TENM4: variants seen among roughly 807,000 people sequenced by gnomAD.
TENM4 encodes the protein teneurin transmembrane protein 4.
A neutral mutation model predicts 243.3 loss-of-function variants in TENM4; 82 were observed. That is an observed-to-expected ratio of 0.34 (90% CI 0.28 to 0.40). The LOEUF is 0.40. TENM4 is among the 10% of genes least tolerant of loss of function. The probability of loss-of-function intolerance (pLI) is 1.00; values close to 1 mark genes in which losing one functional copy is unlikely to be tolerated. For synonymous variants in TENM4, 1,412 were observed against 1,456.3 expected (o/e 0.97, Z 0.69); for missense variants, 3,138 against 3,673.3 (o/e 0.85, Z 3.77).
chr11:79,123,576 T>A (rs776180851), intron 4 of TENM4, among the ~76,000 whole-genome samples: 5 of 150,468 alleles, frequency 3.3e-5, no homozygotes, highest in Non-Finnish European at 7.4e-5. Context: ...TGGACTCTTC[T>A]CTCCAGACAA....
intron 4 of TENM4, among the ~76,000 whole-genome samples, chr11:79,083,989 A>T (rs2137035369): frequency 6.6e-6 from 1 of 152,278 alleles, no homozygotes; most frequent in Admixed American, 6.5e-5. Flanking sequence ...GTGTATACAC[A>T]TATATATATG....
chr11:79,426,681 G>A (rs1459393013), intron 1 of TENM4, among the ~76,000 whole-genome samples: 1 of 152,192 alleles, frequency 6.6e-6, no homozygotes, highest in Non-Finnish European at 1.5e-5. Context: ...AGGAGTCAAA[G>A]ATGACTCCAA....
At chr11:79,004,310 ACT>A (rs893510008) in intron 6 of TENM4, among the ~76,000 whole-genome samples, 59 of 152,124 alleles carry the variant, frequency 3.9e-4, no homozygotes, top group African/African-American at 1.4e-3. Context: ...TATCTACAGA[ACT>A]CTCCACCCCA....
chr11:79,373,049 G>T (rs192784798), intron 1 of TENM4, among the ~76,000 whole-genome samples: 2 of 147,952 alleles, frequency 1.4e-5, no homozygotes, highest in East Asian at 3.9e-4. Context: ...TTAGGGCAGA[G>T]TTTTTCTTAA....
intron 3 of TENM4, among the ~76,000 whole-genome samples, chr11:79,161,277 T>C (rs2135085615): frequency 6.6e-6 from 1 of 152,328 alleles, no homozygotes; most frequent in Non-Finnish European, 1.5e-5. Context: ...GAGGATAAAC[T>C]TCCCTTATGG....
At chr11:78,767,152 G>C (rs78928046) in intron 18 of TENM4, among the ~76,000 whole-genome samples, 15,435 of 152,198 alleles carry the variant, frequency 0.1, 2,396 homozygotes, top group African/African-American at 0.34. Flanking sequence ...ATATGTCAGA[G>C]GTCTGGACAC....
At chr11:78,807,880 G>A (rs539680358) in intron 14 of TENM4, among the ~76,000 whole-genome samples, 1 of 152,294 alleles carries the variant, frequency 6.6e-6, no homozygotes, top group African/African-American at 2.4e-5. Flanking sequence ...ACTGCTCTGT[G>A]CTTCCCATCT....
chr11:78,885,456 T>G (rs1417962573), intron 9 of TENM4, among the ~76,000 whole-genome samples: 1 of 152,224 alleles, frequency 6.6e-6, no homozygotes, highest in African/African-American at 2.4e-5. Flanking sequence ...CAAGTAGCAC[T>G]CCCAGGAGAG....
intron 6 of TENM4, among the ~76,000 whole-genome samples, chr11:78,948,234 T>A (rs987630920): frequency 2.0e-5 from 3 of 152,228 alleles, no homozygotes; most frequent in African/African-American, 7.2e-5. Context: ...TAGACTTCAG[T>A]ACACTTTATA....
chr11:78,939,989 T>C (rs1012679244), intron 6 of TENM4, among the ~76,000 whole-genome samples: 12 of 151,022 alleles, frequency 7.9e-5, no homozygotes, highest in African/African-American at 2.7e-4. Context: ...AGAAAATATA[T>C]AGAAGAAAAA....
chr11:78,849,834 G>A (rs1056139340), intron 12 of TENM4, among the ~76,000 whole-genome samples: 1 of 152,216 alleles, frequency 6.6e-6, no homozygotes, highest in Non-Finnish European at 1.5e-5. Context: ...CTTAAAGAAT[G>A]TATGTGAAAA....
intron 6 of TENM4, among the ~76,000 whole-genome samples, chr11:78,920,305 G>A (rs1856421406): frequency 6.6e-6 from 1 of 152,180 alleles, no homozygotes; most frequent in African/African-American, 2.4e-5. Flanking sequence ...TTTAAAACCA[G>A]AGATGTTTTA....
Position 79,373,342 on chromosome 11 carries a change from A to C in TENM4, c.-321+67167T>G, listed in dbSNP as rs1151185. Among the ~76,000 whole-genome samples the C allele has an allele frequency of 1.9e-3, 291 of 150,442 alleles. 1 individual carries two copies. The highest frequency in any genetic ancestry group is 6.5e-3 in the African/African-American group (264 of 40,748). On this transcript the variant is annotated intron_variant, in intron 1 of 33. Coordinates refer to ENST00000278550, the MANE Select transcript of TENM4 (RefSeq NM_001098816.3). ...GCTGGCTGGCTGGCTGGATGGATGG[A>C]TGGATGGATGGATCGATAAATGAAT...
At chr11:79,259,656 TCTATCCATCC>T (rs1855761265) in intron 2 of TENM4, among the ~76,000 whole-genome samples, 1 of 125,784 alleles carries the variant, frequency 8.0e-6, no homozygotes, top group Non-Finnish European at 1.6e-5. Context: ...CATCCATCCA[TCTATCCATCC>T]ATCCATCCAT....
chr11:78,705,489 C>T (rs938063591), intron 27 of TENM4, among the ~76,000 whole-genome samples: 15 of 152,154 alleles, frequency 9.9e-5, no homozygotes, highest in African/African-American at 2.4e-4. Context: ...ACCCTATTAG[C>T]GATGATCGTG....
intron 6 of TENM4, among the ~76,000 whole-genome samples, chr11:78,941,453 C>T (rs543115168): frequency 9.2e-5 from 14 of 151,456 alleles, no homozygotes; most frequent in African/African-American, 2.7e-4. Flanking sequence ...GCCAAGCTGC[C>T]GAGGGAGGGT....
chr11:79,395,155 G>A (rs1858316735), intron 1 of TENM4, among the ~76,000 whole-genome samples: 1 of 152,206 alleles, frequency 6.6e-6, no homozygotes, highest in Admixed American at 6.5e-5. Context: ...TGAGCCAAGT[G>A]TTGCAACACA....
At chr11:78,717,303 T>C (rs1859542139) in intron 25 of TENM4, among the ~76,000 whole-genome samples, 1 of 152,198 alleles carries the variant, frequency 6.6e-6, no homozygotes, top group Non-Finnish European at 1.5e-5. Context: ...ACAGGCTCAC[T>C]TCCTTGTGAG....
chr11:79,261,469 T>C (rs1265238437), intron 2 of TENM4, among the ~76,000 whole-genome samples: 1 of 152,146 alleles, frequency 6.6e-6, no homozygotes, highest in Non-Finnish European at 1.5e-5. Context: ...GGGGGAAGCA[T>C]CCTGGTTTCT....
Sources: gnomAD v4.1 joint callset for allele counts (sites outside exome capture counted in the v4.1 genomes callset) on GRCh38, gnomAD v4.1.1 for gene constraint, MANE v1.5 for transcripts, NCBI Gene and HGNC (gene_info 2026-07-23, HGNC 2026-07-21) for gene names.